Variants in ZNF385B observed in about 807,000 individuals in gnomAD.
ZNF385B encodes the protein zinc finger protein 385B, also known as zinc finger protein 533.
Under a neutral mutation model 39.2 loss-of-function variants are expected in ZNF385B, and 23 were observed. The observed-to-expected ratio is 0.59, with a 90% CI of 0.42 to 0.83. The LOEUF is 0.83. ZNF385B is among the 40% of genes least tolerant of loss of function. The pLI, the probability that ZNF385B is intolerant of heterozygous loss-of-function variation, is 0.00. For synonymous variants in ZNF385B, 205 were observed against 222.6 expected, an observed-to-expected ratio of 0.92 and a Z score of 0.70; for missense variants, 552 against 598.9, an observed-to-expected ratio of 0.92 and a Z score of 0.82.
At chr2:179,678,605 A>G (rs1697182716) in intron 3 of ZNF385B, among the ~76,000 whole-genome samples, 1 of 152,186 alleles carries the variant, frequency 6.6e-6, no homozygotes, top group Admixed American at 6.5e-5. Flanking sequence ...CATGCCAGAC[A>G]CAGATGATTG....
At chr2:179,553,301 GA>G (rs2060698410) in intron 3 of ZNF385B, among the ~76,000 whole-genome samples, 1 of 148,636 alleles carries the variant, frequency 6.7e-6, no homozygotes, top group South Asian at 2.2e-4. Context: ...TATCTAAAAA[GA>G]ATCTTCCCCA....
At chr2:179,668,425 A>G (rs1424675369) in intron 3 of ZNF385B, among the ~76,000 whole-genome samples, 1 of 152,136 alleles carries the variant, frequency 6.6e-6, no homozygotes, top group Non-Finnish European at 1.5e-5. Context: ...TACTTCTTCC[A>G]GTGAATTTTG....
At chr2:179,647,765 AAG>A (rs1187411852) in intron 3 of ZNF385B, among the ~76,000 whole-genome samples, 2 of 152,226 alleles carry the variant, frequency 1.3e-5, no homozygotes, top group Admixed American at 1.3e-4. Context: ...TGGGGAGAGA[AAG>A]AGACTCAGAA....
Position 179,850,328 on chromosome 2 carries a change from G to A in ZNF385B, c.-155+10773C>T, listed in dbSNP as rs144358024. Among the ~76,000 whole-genome samples, 59 of 152,278 alleles carry A rather than the reference G, an allele frequency of 3.9e-4. No individual in the cohort carries two copies. The East Asian group carries it at 0.01, about 27-fold the overall frequency. The stretch of plus-strand genomic sequence containing the variant: ...TGCAGGAATTCCTTCTGTTATGTCT[G>A]GTGGCTGATCCTCTCATCCATCACA... On this transcript the variant is annotated intron_variant, in intron 1 of 9. Coordinates refer to ENST00000410066, the MANE Select transcript of ZNF385B (RefSeq NM_152520.6).
At chr2:179,482,171 CTTTG>C (rs1279336284) in intron 6 of ZNF385B, among the ~76,000 whole-genome samples, 1 of 152,158 alleles carries the variant, frequency 6.6e-6, no homozygotes, top group Non-Finnish European at 1.5e-5. Flanking sequence ...TCCATAGTCT[CTTTG>C]TTTGAACAGA....
At chr2:179,637,987 AT>A in intron 3 of ZNF385B, among the ~76,000 whole-genome samples, 1 of 152,236 alleles carries the variant, frequency 6.6e-6, no homozygotes, top group Non-Finnish European at 1.5e-5. Flanking sequence ...GCAATGTAAC[AT>A]TTAGATTTCT....
intron 1 of ZNF385B, among the ~76,000 whole-genome samples, chr2:179,829,647 GGGACTAC>G (rs1575566073): frequency 6.6e-6 from 1 of 152,040 alleles, no homozygotes; most frequent in East Asian, 1.9e-4. Flanking sequence ...CCAAGTAGCT[GGGACTAC>G]AGGCGCCCGC....
At chr2:179,683,437 C>T (rs1697685884) in intron 3 of ZNF385B, among the ~76,000 whole-genome samples, 1 of 151,364 alleles carries the variant, frequency 6.6e-6, no homozygotes, top group Non-Finnish European at 1.5e-5. Context: ...GTAAGAAGCA[C>T]AGTAGGACCG....
At chr2:179,639,249 A>AAGGGG (rs71029824) in intron 3 of ZNF385B, among the ~76,000 whole-genome samples, 1 of 128,686 alleles carries the variant, frequency 7.8e-6, no homozygotes, top group South Asian at 2.7e-4. Context: ...AAAAAAAAAA[A>AAGGGG]GGGGGAGAAA....
At chr2:179,753,372 G>C (rs1702802193) in intron 3 of ZNF385B, among the ~76,000 whole-genome samples, 1 of 152,192 alleles carries the variant, frequency 6.6e-6, no homozygotes, top group South Asian at 2.1e-4. Flanking sequence ...CAGGTAGCGT[G>C]ATGCCTCCAG....
intron 3 of ZNF385B, among the ~76,000 whole-genome samples, chr2:179,731,804 C>A (rs1701411482): frequency 6.6e-6 from 1 of 152,138 alleles, no homozygotes; most frequent in African/African-American, 2.4e-5. Flanking sequence ...AACAAACAAA[C>A]AATAAAAGTT....
At chr2:179,801,925 T>C (rs1421365483) in intron 1 of ZNF385B, among the ~76,000 whole-genome samples, 1 of 152,160 alleles carries the variant, frequency 6.6e-6, no homozygotes, top group Non-Finnish European at 1.5e-5. Flanking sequence ...TACTAAAATA[T>C]AAAGCAAACC....
chr2:179,452,031 A>G (rs2050199421), intron 6 of ZNF385B, among the ~76,000 whole-genome samples: 2 of 152,074 alleles, frequency 1.3e-5, no homozygotes, highest in African/African-American at 4.8e-5. Flanking sequence ...TGACTGTCCT[A>G]ATTATTTCTT....
intron 3 of ZNF385B, among the ~76,000 whole-genome samples, chr2:179,587,461 G>A (rs2138196): frequency 0.81 from 122,547 of 152,122 alleles, 49,483 homozygotes; most frequent in East Asian, 0.92. Flanking sequence ...TGTCCTTTTC[G>A]TTCATGACCA....
At chr2:179,508,722 G>T (rs1003847352) in intron 5 of ZNF385B, among the ~76,000 whole-genome samples, 1 of 152,112 alleles carries the variant, frequency 6.6e-6, no homozygotes, top group Non-Finnish European at 1.5e-5. Context: ...GGTGAGTATT[G>T]CTACTTTCCT....
intron 4 of ZNF385B, among the ~76,000 whole-genome samples, chr2:179,534,093 A>G (rs1461810030): frequency 6.6e-6 from 1 of 152,218 alleles, no homozygotes; most frequent in Admixed American, 6.5e-5. Context: ...ATCTTTAAGT[A>G]TGCTCTAGCA....
intron 3 of ZNF385B, among the ~76,000 whole-genome samples, chr2:179,647,925 G>T (rs1692865240): frequency 6.6e-6 from 1 of 152,116 alleles, no homozygotes; most frequent in African/African-American, 2.4e-5. Flanking sequence ...AGATGAAACA[G>T]AGCAAGGTAT....
intron 5 of ZNF385B, among the ~76,000 whole-genome samples, chr2:179,503,781 T>C (rs1275586169): frequency 6.6e-6 from 1 of 151,868 alleles, no homozygotes. Context: ...TCCAGCTTCA[T>C]CCATGTCCCT....
chr2:179,843,457 A>T (rs1473124912), intron 1 of ZNF385B, among the ~76,000 whole-genome samples: 1 of 152,218 alleles, frequency 6.6e-6, no homozygotes, highest in Non-Finnish European at 1.5e-5. Context: ...CAAGACACAC[A>T]TCTATATAGA....
Sources: gnomAD v4.1 joint callset for allele counts (sites outside exome capture counted in the v4.1 genomes callset) on GRCh38, gnomAD v4.1.1 for gene constraint, MANE v1.5 for transcripts, NCBI Gene and HGNC (gene_info 2026-07-23, HGNC 2026-07-21) for gene names.